The following STAT4 variants were observed in gnomAD, a reference collection of about 807,000 sequenced individuals.
The protein encoded by STAT4 is signal transducer and activator of transcription 4.
STAT4 carries 42 observed loss-of-function variants against 110.5 expected under a neutral mutation model. The ratio of observed to expected loss-of-function variants is 0.38; its 90% confidence interval spans 0.30 to 0.49. The LOEUF is 0.49. STAT4 is among the 20% of genes least tolerant of loss of function. The pLI, the probability that STAT4 is intolerant of heterozygous loss-of-function variation, is 0.95. For synonymous variants in STAT4, 284 were observed against 302.2 expected, an observed-to-expected ratio of 0.94 and a Z score of 0.63; for missense variants, 632 against 887.9, an observed-to-expected ratio of 0.71 and a Z score of 3.66.
At chr2:191,057,893 C>A in intron 13 of STAT4, 125 bp downstream of exon 13, 1 of 888,432 alleles carries the variant, frequency 1.1e-6, no homozygotes, top group Non-Finnish European at 1.7e-6. Context: ...CCACCGTGCC[C>A]GGCCGGTTCC....
chr2:191,068,509 T>C (rs1167091336), intron 6 of STAT4: 1 of 152,184 alleles, frequency 6.6e-6, no homozygotes, highest in East Asian at 1.9e-4. Context: ...CATCTTCATG[T>C]ATGAAAAGTT....
rs1222212765 is a variant in STAT4, at chr2:191,066,084, A to G, written c.630+346T>C. On this transcript the variant is annotated intron_variant, in intron 7 of 23. Transcript: ENST00000392320. This position sits in a 1 kb window ranked among gnomAD's most constrained non-coding sequence, Gnocchi z 4.3. ...AGTCATCAAATACTATATTAATTAT[A>G]TATGTGCAGTGGAACCCATCTCAGC... Among the ~76,000 whole-genome samples, 2 of 152,206 alleles carry G rather than the reference A, an allele frequency of 1.3e-5. No individual in the cohort carries two copies. The highest frequency in any genetic ancestry group is 2.9e-5 in the Non-Finnish European group (2 of 68,040).
At chr2:191,139,965 C>T (rs1699278473) in intron 3 of STAT4, among the ~76,000 whole-genome samples, 1 of 152,264 alleles carries the variant, frequency 6.6e-6, no homozygotes, top group Non-Finnish European at 1.5e-5. Flanking sequence ...TTACAGCCAA[C>T]TGATCTTCGA....
Position 191,121,396 on chromosome 2 carries a change from A to G in STAT4, c.273+25217T>C, listed in dbSNP as rs567041305. On this transcript the variant is annotated intron_variant, in intron 3 of 23. Coordinates refer to ENST00000392320, the MANE Select transcript of STAT4 (RefSeq NM_003151.4). ...TCAAGGATCTAGAACTAGAAATACC[A>G]TTTGACCCAGCCATCCCATTACTGG... 5.1e-3 allele frequency among the ~76,000 whole-genome samples: 774 copies of G among 152,294 alleles called. 4 individuals carry two copies. The highest frequency in any genetic ancestry group is 0.018 in the African/African-American group (754 of 41,552).
chr2:191,151,492 G>A, upstream of STAT4: 2 of 985,502 alleles, frequency 2.0e-6, no homozygotes, highest in Non-Finnish European at 2.4e-6. This position sits in a 1 kb window ranked among gnomAD's most constrained non-coding sequence, Gnocchi z 4.7. Flanking sequence ...TCACTCCGAC[G>A]AGGGTGACCT....
chr2:191,118,369 T>C (rs556925598), intron 3 of STAT4, among the ~76,000 whole-genome samples: 7 of 152,298 alleles, frequency 4.6e-5, no homozygotes, highest in Admixed American at 6.5e-5. Flanking sequence ...CTTTTAATAC[T>C]AATATAATTG....
chr2:191,035,408 A>C lies in STAT4; in HGVS notation c.1570+756T>G, dbSNP rs983230170. Among the ~76,000 whole-genome samples the C allele has an allele frequency of 6.6e-6, 1 of 152,246 alleles. No homozygotes were observed. Among genetic ancestry groups the C allele is most frequent in the African/African-American group, 2.4e-5 (1 of 41,470 alleles). On this transcript the variant is annotated intron_variant, in intron 17 of 23. Coordinates refer to ENST00000392320, the MANE Select transcript of STAT4 (RefSeq NM_003151.4). The surrounding 1 kb of genome is among the most constrained non-coding windows in gnomAD (Gnocchi z 4.7). ...AAGCATCCCAGCACCATGTGAGTCA[A>C]GCTTAAATCACACATGATTCTACTT...
At chr2:191,052,758 AAGG>A (rs1696567307) in intron 14 of STAT4, among the ~76,000 whole-genome samples, 1 of 152,226 alleles carries the variant, frequency 6.6e-6, no homozygotes, top group South Asian at 2.1e-4. Flanking sequence ...CCAGAATTCC[AAGG>A]AGATGTGTGA....
Position 191,090,624 on chromosome 2 carries a change from G to A in STAT4, c.274-14299C>T, listed in dbSNP as rs778495682. Among the ~76,000 whole-genome samples, 1 of 152,042 alleles carries A rather than the reference G, an allele frequency of 6.6e-6. No homozygotes were observed. The highest frequency in any genetic ancestry group is 1.5e-5 in the Non-Finnish European group (1 of 68,006). On this transcript the variant is annotated intron_variant, in intron 3 of 23. Coordinates refer to ENST00000392320, the MANE Select transcript of STAT4 (RefSeq NM_003151.4). This position sits in a 1 kb window ranked among gnomAD's most constrained non-coding sequence, Gnocchi z 4.2. Reference sequence around the variant, plus strand: ...TGCCCAGACTGGAGTGCAGTGGCGCGATCTCCGCCCACTGCAACCTCTGCC... The same window carrying A: ...TGCCCAGACTGGAGTGCAGTGGCGCAATCTCCGCCCACTGCAACCTCTGCC...
Position 191,113,983 on chromosome 2 carries a change from T to C in STAT4, c.273+32630A>G, listed in dbSNP as rs1574168225. On this transcript the variant is annotated intron_variant, in intron 3 of 23. Transcript: ENST00000392320. The surrounding 1 kb of genome is among the most constrained non-coding windows in gnomAD (Gnocchi z 4.8). ...GGCTGATCAAATCTGATGTTTAAAA[T>C]ACATTGTTTCTGAAGAAAACTGTGG... Among the ~76,000 whole-genome samples, 1 of 152,226 alleles carries C rather than the reference T, an allele frequency of 6.6e-6. No homozygotes were observed. Among genetic ancestry groups the C allele is most frequent in the Non-Finnish European group, 1.5e-5 (1 of 68,032 alleles).
At chr2:191,038,518 T>G (rs113341940) in intron 16 of STAT4, among the ~76,000 whole-genome samples, 1 of 152,230 alleles carries the variant, frequency 6.6e-6, no homozygotes. Context: ...CTATTTTCTC[T>G]AGACCTCAGT....
intron 3 of STAT4, among the ~76,000 whole-genome samples, chr2:191,123,840 C>A (rs938866032): frequency 1.7e-4 from 26 of 152,156 alleles, no homozygotes; most frequent in African/African-American, 6.3e-4. Context: ...TTATTGCTAG[C>A]CCCGGAAAAG....
intron 14 of STAT4, among the ~76,000 whole-genome samples, chr2:191,041,933 C>G (rs1396058690): frequency 1.3e-5 from 2 of 152,196 alleles, no homozygotes; most frequent in Non-Finnish European, 2.9e-5. Context: ...GGTCAAGCTG[C>G]AGTCAGGGGT....
intron 3 of STAT4, among the ~76,000 whole-genome samples, chr2:191,139,206 T>G (rs1263846836): frequency 6.7e-6 from 1 of 150,274 alleles, no homozygotes; most frequent in African/African-American, 2.5e-5. Context: ...GAGTGCCCAC[T>G]TTCCCCACTT....
Position 191,039,053 on chromosome 2 carries a change from A to G in STAT4, c.1434+146T>C. ...CATACTACTTTAAATATGACATGAG[A>G]GGAAACATACAACTAGAAATACTAC... On this transcript the variant is annotated intron_variant, in intron 16 of 23. Transcript: ENST00000392320. This position sits in a 1 kb window ranked among gnomAD's most constrained non-coding sequence, Gnocchi z 4.7. 1.5e-6 allele frequency: 1 copy of G among 681,024 alleles called. No individual in the cohort carries two copies. The highest frequency in any genetic ancestry group is 2.6e-6 in the Non-Finnish European group (1 of 380,202). 42.2% of individuals were successfully genotyped at this position (681,024 alleles called of 1,614,324 possible). A position where few individuals can be genotyped will look rare whatever the true frequency, so the allele number is the denominator to read the frequency against.
intron 3 of STAT4, among the ~76,000 whole-genome samples, chr2:191,106,697 T>TAAAATA (rs1335364418): frequency 6.8e-6 from 1 of 146,958 alleles, no homozygotes; most frequent in Non-Finnish European, 1.5e-5. Context: ...TAAAATAAAA[T>TAAAATA]AAAAAAATGT....
At chr2:191,052,389 G>A (rs117274413) in intron 14 of STAT4, among the ~76,000 whole-genome samples, 1 of 152,036 alleles carries the variant, frequency 6.6e-6, no homozygotes, top group African/African-American at 2.4e-5. Context: ...AACCCGATTC[G>A]GCAAACCTGG....
At chr2:191,036,046 G>A (rs1696034211) in intron 17 of STAT4, 118 bp downstream of exon 17, 5 of 1,211,674 alleles carry the variant, frequency 4.1e-6, no homozygotes, top group Admixed American at 5.2e-5. Context: ...AATATAGTAG[G>A]CATTGAATAA....
rs1395555479 is a variant in STAT4 at position 191,135,800 on chromosome 2, G to T, written c.273+10813C>A. 5.9e-5 allele frequency among the ~76,000 whole-genome samples: 9 copies of T among 152,050 alleles called. No individual in the cohort carries two copies. The East Asian group carries it at 1.7e-3, about 29-fold the overall frequency. On this transcript the variant is annotated intron_variant, in intron 3 of 23. Transcript: ENST00000392320. This position sits in a 1 kb window ranked among gnomAD's most constrained non-coding sequence, Gnocchi z 4.8. ...CAAATTCTATCAAACTTTCATAGAA[G>T]AACTAACACCAATTCTCCTCAAATT...
Sources: gnomAD v4.1 joint callset for allele counts (sites outside exome capture counted in the v4.1 genomes callset) on GRCh38, gnomAD v4.1.1 for gene constraint, Gnocchi (gnomAD v3.1) non-coding constraint, MANE v1.5 for transcripts, NCBI Gene and HGNC (gene_info 2026-07-23, HGNC 2026-07-21) for gene names.